The following DLG2 variants were observed in gnomAD, a reference collection of about 807,000 sequenced individuals.
DLG2 encodes discs large MAGUK scaffold protein 2, also known as disks large homolog 2.
A neutral mutation model predicts 132.5 loss-of-function variants in DLG2; 45 were observed. The ratio of observed to expected loss-of-function variants is 0.34; its 90% confidence interval spans 0.27 to 0.44. The LOEUF (loss-of-function observed/expected upper bound fraction) is 0.44. DLG2 is among the 20% of genes least tolerant of loss of function. The pLI, the probability that DLG2 is intolerant of heterozygous loss-of-function variation, is 1.00. For synonymous variants in DLG2, 424 were observed against 419.6 expected, an observed-to-expected ratio of 1.01 and a Z score of -0.13; for missense variants, 1,045 against 1,196.9, an observed-to-expected ratio of 0.87 and a Z score of 1.87.
intron 8 of DLG2, among the ~76,000 whole-genome samples, chr11:84,187,717 A>C (rs543065010): frequency 1.3e-5 from 2 of 152,166 alleles, no homozygotes; most frequent in South Asian, 4.1e-4. Context: ...ACTGCTTTAC[A>C]CCTCTTGTCT....
chr11:85,442,669 C>T (rs538066373), intron 3 of DLG2, among the ~76,000 whole-genome samples: 1 of 151,928 alleles, frequency 6.6e-6, no homozygotes, highest in East Asian at 1.9e-4. Flanking sequence ...TGATACCAGC[C>T]TTGGCAACAT....
rs540206478 is a variant in DLG2, at chr11:85,165,851, T to G, written c.187-11200A>C. On this transcript the variant is annotated intron_variant, in intron 4 of 27. Coordinates refer to ENST00000376104, the MANE Select transcript of DLG2 (RefSeq NM_001142699.3). ...TCTGTATTAATCCTCAAATGCTGCC[T>G]TCTCTTCCCTGAATACTGAACTCTT... is the stretch of plus-strand genomic sequence containing the variant. Among the ~76,000 whole-genome samples the G allele has an allele frequency of 3.9e-5, 6 of 152,248 alleles. No individual in the cohort carries two copies. The South Asian group carries it at 6.2e-4, about 16-fold the overall frequency.
chr11:84,487,778 G>C (rs1337087671), intron 7 of DLG2, among the ~76,000 whole-genome samples: 1 of 152,036 alleles, frequency 6.6e-6, no homozygotes, highest in East Asian at 1.9e-4. Flanking sequence ...AATGAGGAAG[G>C]CTTCACCAAG....
intron 18 of DLG2, among the ~76,000 whole-genome samples, chr11:83,698,653 C>T (rs1232242882): frequency 2.6e-5 from 4 of 152,166 alleles, no homozygotes; most frequent in Non-Finnish European, 5.9e-5. Flanking sequence ...AATAATTGTA[C>T]TATAGTTAAA....
At chr11:84,063,410 T>C (rs1222320847) in intron 10 of DLG2, among the ~76,000 whole-genome samples, 1 of 152,260 alleles carries the variant, frequency 6.6e-6, no homozygotes, top group Non-Finnish European at 1.5e-5. Flanking sequence ...AATTTTGCAC[T>C]AAATCAAGTA....
At chr11:84,011,489 ATTAAT>A (rs1473964350) in intron 11 of DLG2, among the ~76,000 whole-genome samples, 7 of 150,346 alleles carry the variant, frequency 4.7e-5, no homozygotes, top group Non-Finnish European at 1.5e-5. Context: ...AAATAAATAA[ATTAAT>A]TAATTAATTA....
intron 8 of DLG2, among the ~76,000 whole-genome samples, chr11:84,208,747 A>G (rs966726511): frequency 6.6e-6 from 1 of 152,246 alleles, no homozygotes; most frequent in African/African-American, 2.4e-5. Flanking sequence ...TACACTGTAC[A>G]TAAACACTGT....
chr11:85,263,986 G>A (rs2077076144), intron 4 of DLG2, among the ~76,000 whole-genome samples: 1 of 152,196 alleles, frequency 6.6e-6, no homozygotes, highest in Non-Finnish European at 1.5e-5. Flanking sequence ...GGGGCTGAAG[G>A]GAAGTTTTAT....
At chr11:84,444,442 C>G (rs2099026907) in intron 7 of DLG2, among the ~76,000 whole-genome samples, 1 of 152,004 alleles carries the variant, frequency 6.6e-6, no homozygotes, top group Non-Finnish European at 1.5e-5. Context: ...AGGTAGGAAT[C>G]TATATTTTTC....
intron 3 of DLG2, among the ~76,000 whole-genome samples, chr11:85,303,121 A>C (rs1227391754): frequency 1.3e-5 from 2 of 152,218 alleles, no homozygotes; most frequent in Non-Finnish European, 2.9e-5. Flanking sequence ...TTTAGGCTTC[A>C]TACAATGTTT....
At chr11:85,306,739 A>C (rs1027586684) in intron 3 of DLG2, among the ~76,000 whole-genome samples, 5 of 151,906 alleles carry the variant, frequency 3.3e-5, no homozygotes, top group African/African-American at 1.2e-4. Flanking sequence ...CGCCCGGCTA[A>C]TTTTTTGTAT....
intron 9 of DLG2, among the ~76,000 whole-genome samples, chr11:84,157,749 C>T (rs1402849402): frequency 6.6e-6 from 1 of 152,224 alleles, no homozygotes; most frequent in Non-Finnish European, 1.5e-5. Context: ...CTCCACAAGG[C>T]TGCAAAATTC....
chr11:85,184,173 G>C (rs2079925758), intron 4 of DLG2, among the ~76,000 whole-genome samples: 1 of 151,848 alleles, frequency 6.6e-6, no homozygotes, highest in African/African-American at 2.4e-5. Flanking sequence ...AGGGACCAGA[G>C]CATGATCAAT....
chr11:84,145,704 C>A (rs1015104298), intron 9 of DLG2, among the ~76,000 whole-genome samples: 1 of 152,010 alleles, frequency 6.6e-6, no homozygotes, highest in Non-Finnish European at 1.5e-5. Flanking sequence ...TGGAAGACAG[C>A]ACTTGTTAAT....
intron 3 of DLG2, among the ~76,000 whole-genome samples, chr11:85,443,500 A>G (rs1436033384): frequency 1.3e-5 from 2 of 152,214 alleles, no homozygotes; most frequent in African/African-American, 2.4e-5. Context: ...GTGATATGTG[A>G]AAACTTTACG....
intron 15 of DLG2, among the ~76,000 whole-genome samples, chr11:83,884,683 T>G (rs539469550): frequency 7.9e-4 from 121 of 152,306 alleles, no homozygotes; most frequent in African/African-American, 2.8e-3. Context: ...GCAGCCTAAC[T>G]GGAAGGCACC....
At chr11:85,477,098 C>A (rs1260570566) in intron 3 of DLG2, among the ~76,000 whole-genome samples, 1 of 152,076 alleles carries the variant, frequency 6.6e-6, no homozygotes. Flanking sequence ...TTTTCAGCTC[C>A]ATTATAATCA....
At chr11:85,510,695 T>A (rs1176184675) in intron 3 of DLG2, among the ~76,000 whole-genome samples, 2 of 152,108 alleles carry the variant, frequency 1.3e-5, no homozygotes, top group Non-Finnish European at 2.9e-5. Flanking sequence ...CCAGTTAGAA[T>A]GGTGATCATT....
chr11:85,064,721 G>C (rs2064643833), intron 6 of DLG2, among the ~76,000 whole-genome samples: 2 of 151,636 alleles, frequency 1.3e-5, no homozygotes, highest in Non-Finnish European at 3.0e-5. Flanking sequence ...TTCAGAATCA[G>C]TTAACTCTAA....
Sources: allele counts gnomAD v4.1 joint callset (sites outside exome capture counted in the v4.1 genomes callset), GRCh38; gene constraint gnomAD v4.1.1; transcripts MANE v1.5; gene names NCBI Gene and HGNC (gene_info 2026-07-23, HGNC 2026-07-21).